Variants in HMCN1 observed in about 807,000 individuals in gnomAD.
The protein encoded by HMCN1 is hemicentin-1.
Under a neutral mutation model 625.9 loss-of-function variants are expected in HMCN1, and 321 were observed. That is an observed-to-expected ratio of 0.51 (90% CI 0.47 to 0.56). The LOEUF (loss-of-function observed/expected upper bound fraction) is 0.56, where lower values mean the gene tolerates loss of function less well. HMCN1 is among the 20% of genes least tolerant of loss of function. The pLI is 0.00. For synonymous variants in HMCN1, 2,425 were observed against 2,417.6 expected (o/e 1.00, Z -0.09); for missense variants, 6,588 against 6,887.3 (o/e 0.96, Z 1.54).
chr1:186,144,803 C>T, intron 91 of HMCN1, 100 bp downstream of exon 91: 1 of 1,395,156 alleles, frequency 7.2e-7, no homozygotes, highest in Non-Finnish European at 1.0e-6. Flanking sequence ...GGTTCTTCAA[C>T]CTTTGGTTTA....
intron 100 of HMCN1, among the ~76,000 whole-genome samples, chr1:186,168,181 T>C (rs115748546): frequency 6.6e-6 from 1 of 150,726 alleles, no homozygotes; most frequent in African/African-American, 2.4e-5. Context: ...TTATTCATAC[T>C]AGATAGTTAA....
Position 186,001,425 on chromosome 1 carries a change from C to A in HMCN1, c.4197C>A (p.Val1399=). 2 of 1,612,448 alleles carry A rather than the reference C, an allele frequency of 1.2e-6. No homozygotes were observed. The highest frequency in any genetic ancestry group is 2.2e-5 in the South Asian group (2 of 91,028). Residue 1399 remains valine, a synonymous_variant, in exon 27 of 107, where the codon GTC becomes GTA. Coordinates refer to ENST00000271588, the MANE Select transcript of HMCN1 (RefSeq NM_031935.3). ...TCATTATGTGGTATAAAGATAATGT[C>A]CAGGTAAATAGAGTCATCCAAATAC... ...SPIIMWYKDN[V]QVTESSTIQT... is the part of the protein sequence containing the mutation.
Position 186,017,495 on chromosome 1 carries a change from T to G in HMCN1, c.5300+424T>G, listed in dbSNP as rs559190333. Among the ~76,000 whole-genome samples the G allele has an allele frequency of 4.1e-4, 63 of 152,184 alleles. 2 individuals carry two copies. The South Asian group carries it at 0.013, about 31-fold the overall frequency. ...GTATGTGTTTACCAATTTTTTTTCTTCTTCTTTAATTTTCAAAGCATGTAT... is the reference window on the plus strand; with the variant it reads ...GTATGTGTTTACCAATTTTTTTTCTGCTTCTTTAATTTTCAAAGCATGTAT... On this transcript the variant is annotated intron_variant, in intron 33 of 106. Coordinates refer to ENST00000271588, the MANE Select transcript of HMCN1 (RefSeq NM_031935.3).
intron 1 of HMCN1, among the ~76,000 whole-genome samples, chr1:185,832,050 C>A (rs1204001784): frequency 1.3e-5 from 2 of 152,044 alleles, no homozygotes; most frequent in African/African-American, 2.4e-5. Flanking sequence ...AATTCCAGCA[C>A]TTTGGGAGGC....
At chr1:185,873,054 A>C (rs892128988) in intron 4 of HMCN1, among the ~76,000 whole-genome samples, 38 of 152,330 alleles carry the variant, frequency 2.5e-4, no homozygotes, top group African/African-American at 8.4e-4. Context: ...AAGAAATGTT[A>C]CTTAAGGGTA....
chr1:186,032,579 A>G (rs1457630245), intron 36 of HMCN1, among the ~76,000 whole-genome samples: 1 of 152,056 alleles, frequency 6.6e-6, no homozygotes, highest in East Asian at 1.9e-4. Flanking sequence ...CTATGTGAAG[A>G]AGAATGTGTT....
At chr1:186,160,709 G>C (rs186342388) in intron 97 of HMCN1, among the ~76,000 whole-genome samples, 236 of 152,284 alleles carry the variant, frequency 1.5e-3, no homozygotes, top group African/African-American at 5.4e-3. Context: ...AGGTTGTTCA[G>C]TTTCCATGTA....
intron 1 of HMCN1, among the ~76,000 whole-genome samples, chr1:185,794,551 T>C (rs57215320): frequency 0.084 from 12,497 of 148,056 alleles, 1,803 homozygotes; most frequent in African/African-American, 0.3. Flanking sequence ...AAGCATCCAG[T>C]ACGGGAGAAA....
chr1:186,102,099 A>G (rs186704061), intron 68 of HMCN1, among the ~76,000 whole-genome samples: 99 of 152,236 alleles, frequency 6.5e-4, no homozygotes, highest in African/African-American at 2.3e-3. Flanking sequence ...GATCTAGACC[A>G]TATTGTGGAA....
intron 1 of HMCN1, among the ~76,000 whole-genome samples, chr1:185,768,587 C>G (rs968181733): frequency 2.0e-5 from 3 of 152,156 alleles, no homozygotes; most frequent in Non-Finnish European, 4.4e-5. Flanking sequence ...TGATACAAAA[C>G]TTAGTATATC....
chr1:185,851,441 A>T (rs1558014984), intron 2 of HMCN1, among the ~76,000 whole-genome samples: 3 of 152,144 alleles, frequency 2.0e-5, no homozygotes, highest in Non-Finnish European at 4.4e-5. Context: ...TTTTCCAGGA[A>T]AAAATTAGCA....
At chr1:185,940,750 A>G (rs1668038136) in intron 11 of HMCN1, among the ~76,000 whole-genome samples, 1 of 151,054 alleles carries the variant, frequency 6.6e-6, no homozygotes, top group African/African-American at 2.4e-5. Flanking sequence ...CAAGCTACAT[A>G]TTTTTCTTCT....
chr1:185,765,326 A>T (rs894018461), intron 1 of HMCN1, among the ~76,000 whole-genome samples: 3 of 152,144 alleles, frequency 2.0e-5, no homozygotes, highest in African/African-American at 7.2e-5. Flanking sequence ...GAGGAGAGAG[A>T]AAGAAGAAAG....
chr1:186,087,704 G>T, intron 60 of HMCN1, 59 bp downstream of exon 60: 1 of 1,505,008 alleles, frequency 6.6e-7, no homozygotes, highest in Non-Finnish European at 9.2e-7. Context: ...TGGAAAAGAT[G>T]CTTGGAAGTT....
chr1:186,181,255 G>C (rs934586885), intron 104 of HMCN1, among the ~76,000 whole-genome samples: 1 of 152,158 alleles, frequency 6.6e-6, no homozygotes, highest in Non-Finnish European at 1.5e-5. Context: ...TATGCTCAGA[G>C]ACTATGAGCA....
At chr1:186,046,668 A>C (rs1197852822) in intron 41 of HMCN1, among the ~76,000 whole-genome samples, 1 of 152,166 alleles carries the variant, frequency 6.6e-6, no homozygotes, top group African/African-American at 2.4e-5. Flanking sequence ...TGCCAGGATT[A>C]GTGTTGAAAG....
intron 97 of HMCN1, among the ~76,000 whole-genome samples, chr1:186,163,162 T>A (rs1365196883): frequency 4.6e-5 from 7 of 152,216 alleles, no homozygotes; most frequent in Non-Finnish European, 1.5e-5. Context: ...GATCTCAGAC[T>A]GCTGTGCTAG....
At chr1:185,893,171 A>G (rs145985013) in intron 4 of HMCN1, among the ~76,000 whole-genome samples, 9,684 of 152,174 alleles carry the variant, frequency 0.064, 1,084 homozygotes, top group African/African-American at 0.22. Flanking sequence ...GCTTCGGCTC[A>G]CGCACGGTGC....
chr1:185,735,015 T>G lies in HMCN1; in HGVS notation c.236T>G (p.Phe79Cys). The G allele has an allele frequency of 1.9e-6, 3 of 1,614,184 alleles. No homozygotes were observed. Among genetic ancestry groups the G allele is most frequent in the Non-Finnish European group, 2.5e-6 (3 of 1,180,018 alleles). ...TSLKRPKRPL[F>C]NFALVPFHDP... ...TTGAAAAGACCTAAAAGACCTCTTT[T>G]CAACTTTGCGTTGGTGCCTTTCCAT... is the stretch of plus-strand genomic sequence containing the variant. The change falls in exon 1 of 107, where the codon TTC (phenylalanine) becomes TGC (cysteine). Residue 79 changes from phenylalanine to cysteine, a missense_variant. Coordinates refer to ENST00000271588, the MANE Select transcript of HMCN1 (RefSeq NM_031935.3).
Sources: gnomAD v4.1 joint callset for allele counts (sites outside exome capture counted in the v4.1 genomes callset) on GRCh38, gnomAD v4.1.1 for gene constraint, MANE v1.5 for transcripts, NCBI Gene and HGNC (gene_info 2026-07-23, HGNC 2026-07-21) for gene names.